Variants in PPP2R2B observed in about 807,000 individuals in gnomAD.
PPP2R2B encodes serine/threonine-protein phosphatase 2A 55 kDa regulatory subunit B beta isoform.
PPP2R2B carries 5 observed loss-of-function variants against 46.0 expected under a neutral mutation model. The observed-to-expected ratio is 0.11, with a 90% CI of 0.06 to 0.23. The LOEUF is 0.23. Among genes scored for constraint, PPP2R2B ranks in the 10% least tolerant of loss-of-function variants. The pLI, the probability that PPP2R2B is intolerant of heterozygous loss-of-function variation, is 1.00. For missense variants in PPP2R2B, 367 were observed against 575.0 expected (o/e 0.64, Z 3.70); for synonymous variants, 215 against 206.7 (o/e 1.04, Z -0.34).
At chr5:146,806,326 A>G (rs1220178431) in intron 2 of PPP2R2B, among the ~76,000 whole-genome samples, 1 of 152,168 alleles carries the variant, frequency 6.6e-6, no homozygotes, top group Admixed American at 6.5e-5. Context: ...TGATAGTTTG[A>G]TGCTTCATTT....
At chr5:146,880,192 T>C, upstream of PPP2R2B, among the ~76,000 whole-genome samples, 1 of 149,912 alleles carries the variant, frequency 6.7e-6, no homozygotes, top group Admixed American at 6.7e-5. Flanking sequence ...TGTGTGTGTG[T>C]GTGTGTGTGT....
At chr5:147,041,170 C>T (rs913041782) in intron 1 of PPP2R2B, among the ~76,000 whole-genome samples, 1 of 152,162 alleles carries the variant, frequency 6.6e-6, no homozygotes, top group East Asian at 1.9e-4. Context: ...TTGGGTTAAC[C>T]GCTCTGCAAG....
intron 1 of PPP2R2B, among the ~76,000 whole-genome samples, chr5:146,991,286 G>C (rs999947331): frequency 2.0e-5 from 3 of 152,070 alleles, no homozygotes; most frequent in Non-Finnish European, 4.4e-5. Flanking sequence ...GTTTATTGCA[G>C]CACTATTCAT....
intron 2 of PPP2R2B, among the ~76,000 whole-genome samples, chr5:146,806,480 GA>G (rs1227123227): frequency 2.0e-5 from 3 of 151,580 alleles, no homozygotes; most frequent in Non-Finnish European, 4.4e-5. Flanking sequence ...ATAAAAAAAA[GA>G]AAAAAAAGAG....
At chr5:146,902,441 C>A (rs1396644111) in intron 1 of PPP2R2B, among the ~76,000 whole-genome samples, 1 of 152,184 alleles carries the variant, frequency 6.6e-6, no homozygotes, top group African/African-American at 2.4e-5. Context: ...CTACTACCCA[C>A]AACAATTATT....
chr5:147,074,886 A>G lies in PPP2R2B; in HGVS notation c.50+6173T>C, dbSNP rs148622752. On this transcript the variant is annotated intron_variant, in intron 2 of 10. Transcript: ENST00000394413. ...TGAGTGATCTTTTCAGAGGGAGGGA[A>G]GGAAAAAATGTGATGCCCATGTAGC... Among the ~76,000 whole-genome samples, 466 of 152,278 alleles carry G rather than the reference A, an allele frequency of 3.1e-3. 1 individual carries two copies. The highest frequency in any genetic ancestry group is 4.5e-3 in the Non-Finnish European group (305 of 68,014).
chr5:146,755,894 A>C (rs952592996), intron 2 of PPP2R2B, among the ~76,000 whole-genome samples: 3 of 152,188 alleles, frequency 2.0e-5, no homozygotes, highest in Non-Finnish European at 4.4e-5. Flanking sequence ...TTTCAGTGGA[A>C]TTGGGTCCAG....
At chr5:146,726,452 C>A (rs1751874753) in intron 2 of PPP2R2B, among the ~76,000 whole-genome samples, 1 of 152,080 alleles carries the variant, frequency 6.6e-6, no homozygotes, top group Non-Finnish European at 1.5e-5. Flanking sequence ...CACACACATA[C>A]CCTGATTATT....
At chr5:146,928,275 T>A (rs901284482) in intron 1 of PPP2R2B, among the ~76,000 whole-genome samples, 1 of 151,856 alleles carries the variant, frequency 6.6e-6, no homozygotes, top group African/African-American at 2.4e-5. Context: ...TAGGTTTATA[T>A]ATATATTTTT....
At chr5:147,047,880 C>G (rs1756615618) in intron 1 of PPP2R2B, among the ~76,000 whole-genome samples, 1 of 152,158 alleles carries the variant, frequency 6.6e-6, no homozygotes, top group Admixed American at 6.6e-5. Flanking sequence ...AACCTCTTTT[C>G]AGCTGCAGAT....
chr5:146,962,861 A>G (rs901115507), intron 1 of PPP2R2B, among the ~76,000 whole-genome samples: 2 of 152,096 alleles, frequency 1.3e-5, no homozygotes, highest in Non-Finnish European at 2.9e-5. Flanking sequence ...CATTTTTATG[A>G]GATTATGTGT....
chr5:146,655,346 C>A (rs560082235), intron 5 of PPP2R2B, among the ~76,000 whole-genome samples: 2 of 152,306 alleles, frequency 1.3e-5, no homozygotes, highest in South Asian at 4.1e-4. Flanking sequence ...TCTTCCCCCC[C>A]AGAGAGTGGC....
Position 146,586,715 on chromosome 5 carries a change from AG to A in PPP2R2B, c.*3231del, listed in dbSNP as rs1444430327. ...ATTACAAGATCAATGAGAGGTTTAA[AG>A]GTGCTTTTTTTTCAATGGAAGAGTA... On this transcript the variant is annotated 3_prime_UTR_variant, in exon 10 of 10. Transcript: ENST00000394411. 1 of 152,178 alleles carries A rather than the reference AG, an allele frequency of 6.6e-6. No individual in the cohort carries two copies. Among genetic ancestry groups the A allele is most frequent in the Non-Finnish European group, 1.5e-5 (1 of 68,046 alleles). 9.4% of individuals were successfully genotyped at this position (152,178 alleles called of 1,614,324 possible). A position where few individuals can be genotyped will look rare whatever the true frequency, so the allele number is the denominator to read the frequency against.
intron 2 of PPP2R2B, among the ~76,000 whole-genome samples, chr5:146,833,598 G>A (rs747292455): frequency 1.2e-4 from 18 of 152,130 alleles, no homozygotes; most frequent in Non-Finnish European, 1.8e-4. Flanking sequence ...CACCTACTGT[G>A]GGAATGACAT....
chr5:146,865,599 G>GT (rs1761266750), intron 2 of PPP2R2B, among the ~76,000 whole-genome samples: 1 of 152,010 alleles, frequency 6.6e-6, no homozygotes, highest in African/African-American at 2.4e-5. Flanking sequence ...TTATACCTAG[G>GT]TTTTTTAGCA....
At chr5:147,005,663 C>G (rs996582623) in intron 1 of PPP2R2B, among the ~76,000 whole-genome samples, 4 of 151,236 alleles carry the variant, frequency 2.6e-5, no homozygotes, top group African/African-American at 9.7e-5. Context: ...GAGAAAGAGA[C>G]AGGAAGTCAG....
chr5:146,957,865 C>T (rs1751986072), intron 1 of PPP2R2B, among the ~76,000 whole-genome samples: 1 of 152,148 alleles, frequency 6.6e-6, no homozygotes, highest in Non-Finnish European at 1.5e-5. Context: ...TTTTCAGTCT[C>T]ACGTATATCA....
At chr5:146,761,533 G>A (rs942709000) in intron 2 of PPP2R2B, among the ~76,000 whole-genome samples, 2 of 151,808 alleles carry the variant, frequency 1.3e-5, no homozygotes, top group African/African-American at 2.4e-5. Context: ...GGAAGTGGGG[G>A]GTGCAGCACA....
intron 2 of PPP2R2B, among the ~76,000 whole-genome samples, chr5:146,713,776 G>T (rs559498440): frequency 6.6e-6 from 1 of 152,172 alleles, no homozygotes; most frequent in Non-Finnish European, 1.5e-5. Context: ...TCAGCAACTG[G>T]CATGTTAGAG....
Sources: allele counts gnomAD v4.1 joint callset (sites outside exome capture counted in the v4.1 genomes callset), GRCh38; gene constraint gnomAD v4.1.1; transcripts MANE v1.5; gene names NCBI Gene and HGNC (gene_info 2026-07-23, HGNC 2026-07-21).